Variants in GATA4 observed in about 807,000 individuals in gnomAD.
The protein encoded by GATA4 is GATA binding protein 4, also known as transcription factor GATA-4.
Under a neutral mutation model 37.9 loss-of-function variants are expected in GATA4, and 7 were observed. The observed-to-expected ratio is 0.18, with a 90% CI of 0.11 to 0.35. The LOEUF (loss-of-function observed/expected upper bound fraction) is 0.35. Ranked by LOEUF, GATA4 falls within the 10% of genes least tolerant of loss-of-function variation. The pLI is 1.00. For synonymous variants in GATA4, 372 were observed against 292.6 expected, an observed-to-expected ratio of 1.27 and a Z score of -2.77; for missense variants, 647 against 653.0, an observed-to-expected ratio of 0.99 and a Z score of 0.10.
At chr8:11,750,566 C>G (rs906534718) in intron 4 of GATA4, among the ~76,000 whole-genome samples, 2 of 152,118 alleles carry the variant, frequency 1.3e-5, no homozygotes, top group Admixed American at 6.6e-5. Context: ...AAAGCATGAC[C>G]TCTACCTCCT....
chr8:11,724,939 A>G (rs1217982536), intron 2 of GATA4, among the ~76,000 whole-genome samples: 1 of 152,218 alleles, frequency 6.6e-6, no homozygotes, highest in African/African-American at 2.4e-5. Flanking sequence ...GTGTGAAGGG[A>G]AGAGCTGTAT....
intron 2 of GATA4, among the ~76,000 whole-genome samples, chr8:11,720,292 C>T (rs1024926417): frequency 1.2e-4 from 18 of 152,060 alleles, no homozygotes; most frequent in African/African-American, 3.9e-4. Flanking sequence ...TTGTCTTTCC[C>T]GGTACCACAG....
chr8:11,681,263 G>C (rs930093899), intron 1 of GATA4: 1 of 985,282 alleles, frequency 1.0e-6, no homozygotes, highest in Non-Finnish European at 1.2e-6. Context: ...GGAGCGACTG[G>C]ATTCCCAGGC....
chr8:11,754,022 A>G (rs1459680137), intron 4 of GATA4, among the ~76,000 whole-genome samples: 3 of 152,178 alleles, frequency 2.0e-5, no homozygotes, highest in East Asian at 3.9e-4. Flanking sequence ...GGGACATTTT[A>G]TCTCAGAACC....
intron 1 of GATA4, chr8:11,680,403 C>A: frequency 1.1e-6 from 1 of 885,062 alleles, no homozygotes; most frequent in Non-Finnish European, 1.4e-6. Context: ...ACTTTCCCGC[C>A]CTCGGCCCAC....
intron 2 of GATA4, among the ~76,000 whole-genome samples, chr8:11,725,913 T>G (rs965331978): frequency 6.6e-6 from 1 of 152,234 alleles, no homozygotes; most frequent in Non-Finnish European, 1.5e-5. Context: ...TGTCTCTGCA[T>G]GCAGCTTTTG....
chr8:11,677,218 G>A (rs1481745984), intron 1 of GATA4, among the ~76,000 whole-genome samples: 1 of 152,200 alleles, frequency 6.6e-6, no homozygotes, highest in Non-Finnish European at 1.5e-5. Flanking sequence ...CCCCAGCGTG[G>A]GGCCGAGGCG....
intron 2 of GATA4, among the ~76,000 whole-genome samples, chr8:11,748,182 C>A (rs142132012): frequency 6.6e-6 from 1 of 152,180 alleles, no homozygotes; most frequent in South Asian, 2.1e-4. Context: ...CGCACCATTG[C>A]ACTCTAGCCT....
chr8:11,750,696 G>A (rs1456151472), intron 4 of GATA4, among the ~76,000 whole-genome samples: 1 of 151,326 alleles, frequency 6.6e-6, no homozygotes, highest in African/African-American at 2.4e-5. Context: ...ACTTTGGGAG[G>A]CTGAGGCAGA....
At position 11,708,406 on chromosome 8, in the gene GATA4, G is replaced by C. The variant is rs773545065; in HGVS notation, c.94G>C (p.Ala32Pro). The change falls in exon 2 of 7, where the codon GCC (alanine) becomes CCC (proline). Residue 32 changes from alanine (A) to proline (P), a missense_variant. Ala to Pro is a conservative substitution (Grantham distance 27). Around this residue, in one of 5 missense-constraint regions of GATA4, gnomAD observed 379 missense variants for 334.5 expected, o/e 1.13. Transcript: ENST00000532059. The surrounding 1 kb of genome is among the most constrained non-coding windows in gnomAD (Gnocchi z 6.7). The part of the protein sequence containing the change: ...GPGAFMHGAG[A>P]ASSPVYVPTP... The stretch of plus-strand genomic sequence containing the variant: ...CGGCGCCTTCATGCACGGCGCGGGC[G>C]CCGCGTCCTCGCCAGTCTACGTGCC... 1 of 1,540,244 alleles carries C rather than the reference G, an allele frequency of 6.5e-7. No individual in the cohort carries two copies. The highest frequency in any genetic ancestry group is 1.4e-5 in the African/African-American group (1 of 73,586).
chr8:11,719,333 A>G (rs1001519247), intron 2 of GATA4, among the ~76,000 whole-genome samples: 2 of 152,312 alleles, frequency 1.3e-5, no homozygotes, highest in African/African-American at 4.8e-5. Context: ...AAAACAAACA[A>G]CAAATAAAAC....
Position 11,708,671 on chromosome 8 carries a change from C to T in GATA4, c.359C>T (p.Ala120Val), listed in dbSNP as rs1413727588. 7.8e-7 allele frequency: 1 copy of T among 1,287,448 alleles called. No individual in the cohort carries two copies. Among genetic ancestry groups the T allele is most frequent in the Non-Finnish European group, 9.8e-7 (1 of 1,021,200 alleles). 79.8% of individuals were successfully genotyped at this position (1,287,448 alleles called of 1,614,324 possible). A position where few individuals can be genotyped will look rare whatever the true frequency, so the allele number is the denominator to read the frequency against. ...GGGACCACCGGGTCCCTGGCGGCCG[C>T]CGCCGCCGCTGCCGCGGCCCGGGAA... ...FPGTTGSLAA[A>V]AAAAAAREAA... is the part of the protein sequence containing the mutation. Residue 120 changes from alanine (A) to valine (V), a missense_variant, in exon 2 of 7, where the codon GCC (alanine) becomes GTC (valine). Physicochemically the swap from Ala to Val is moderately conservative, Grantham distance 64 (BLOSUM62 0). Around this residue, in one of 5 missense-constraint regions of GATA4, gnomAD observed 379 missense variants for 334.5 expected, o/e 1.13. Coordinates refer to ENST00000532059, the MANE Select transcript of GATA4 (RefSeq NM_001308093.3). This position sits in a 1 kb window ranked among gnomAD's most constrained non-coding sequence, Gnocchi z 6.7.
At chr8:11,724,577 G>A (rs1287473829) in intron 2 of GATA4, among the ~76,000 whole-genome samples, 1 of 152,226 alleles carries the variant, frequency 6.6e-6, no homozygotes, top group Non-Finnish European at 1.5e-5. Context: ...GCCCTGTGTT[G>A]CTTGCCTTGT....
chr8:11,684,709 C>T (rs1799084791), intron 1 of GATA4, among the ~76,000 whole-genome samples: 1 of 152,120 alleles, frequency 6.6e-6, no homozygotes, highest in South Asian at 2.1e-4. Context: ...TGCCCTAATC[C>T]CTGACATAAT....
chr8:11,727,498 C>T (rs373503049), intron 2 of GATA4, among the ~76,000 whole-genome samples: 2 of 152,162 alleles, frequency 1.3e-5, no homozygotes, highest in Non-Finnish European at 2.9e-5. Context: ...TAAGGAGAGG[C>T]ACTAGAGTCT....
chr8:11,697,910 A>T (rs1427786947), intron 1 of GATA4: 2 of 985,236 alleles, frequency 2.0e-6, no homozygotes, highest in Non-Finnish European at 2.4e-6. Context: ...TCTCTGGGGG[A>T]CCCACCAGTC....
intron 1 of GATA4, among the ~76,000 whole-genome samples, chr8:11,682,531 A>G (rs898856718): frequency 3.9e-5 from 6 of 152,230 alleles, no homozygotes; most frequent in Non-Finnish European, 8.8e-5. Flanking sequence ...TTCATTTCCA[A>G]CAAAACAGAG....
At position 11,749,460 on chromosome 8, in the gene GATA4, T is replaced by G. The variant is rs1802187665; in HGVS notation, c.786+375T>G. On this transcript the variant is annotated intron_variant, in intron 3 of 6. Coordinates refer to ENST00000532059, the MANE Select transcript of GATA4 (RefSeq NM_001308093.3). This position sits in a 1 kb window ranked among gnomAD's most constrained non-coding sequence, Gnocchi z 4.6. ...CACCAACCCTGCAAGGAAGGTCACCTCAGAGGCTGGTCTCTACCCTGACCT... is the reference window on the plus strand; with the variant it reads ...CACCAACCCTGCAAGGAAGGTCACCGCAGAGGCTGGTCTCTACCCTGACCT... Among the ~76,000 whole-genome samples the G allele has an allele frequency of 6.6e-6, 1 of 152,070 alleles. No homozygotes were observed. Among genetic ancestry groups the G allele is most frequent in the Admixed American group, 6.5e-5 (1 of 15,272 alleles).
chr8:11,711,499 C>T (rs1302200037), intron 2 of GATA4, among the ~76,000 whole-genome samples: 1 of 151,848 alleles, frequency 6.6e-6, no homozygotes, highest in African/African-American at 2.4e-5. Flanking sequence ...TGCATGTGGC[C>T]AGGCGCAGAG....
Sources: allele counts gnomAD v4.1 joint callset (sites outside exome capture counted in the v4.1 genomes callset), GRCh38; gene constraint gnomAD v4.1.1; regional missense constraint gnomAD v4.1.1; non-coding constraint Gnocchi (gnomAD v3.1); transcripts MANE v1.5; gene names NCBI Gene and HGNC (gene_info 2026-07-23, HGNC 2026-07-21).